ULK4: variants seen among roughly 807,000 people sequenced by gnomAD.
ULK4 encodes inactive serine/threonine-protein kinase ULK4.
In ULK4, 133 loss-of-function variants were observed where a neutral mutation model predicts 160.6. The observed-to-expected ratio is 0.83, with a 90% confidence interval of 0.72 to 0.96. ULK4 has a LOEUF of 0.96. Ranked by LOEUF, ULK4 falls within the 40% of genes least tolerant of loss-of-function variation. ULK4 has a pLI of 0.00. For missense variants in ULK4, 1,580 were observed against 1,499.5 expected (o/e 1.05, Z -0.89); for synonymous variants, 534 against 539.8 (o/e 0.99, Z 0.15).
At chr3:41,677,266 T>C (rs980896974) in intron 29 of ULK4, among the ~76,000 whole-genome samples, 2 of 151,706 alleles carry the variant, frequency 1.3e-5, no homozygotes, top group Non-Finnish European at 2.9e-5. Flanking sequence ...TCAAATACTA[T>C]CTCTTTATAA....
At chr3:41,377,711 A>G (rs1401445582) in intron 35 of ULK4, among the ~76,000 whole-genome samples, 17 of 147,942 alleles carry the variant, frequency 1.1e-4, no homozygotes, top group Non-Finnish European at 2.1e-4. Flanking sequence ...GATCATTAAA[A>G]AGTCAGGAAA....
chr3:41,864,912 C>T (rs1615543), intron 17 of ULK4, among the ~76,000 whole-genome samples: 47,278 of 151,760 alleles, frequency 0.31, 10,753 homozygotes, highest in African/African-American at 0.65. Flanking sequence ...CCAGATTCCC[C>T]CCAGGATTAA....
intron 30 of ULK4, among the ~76,000 whole-genome samples, chr3:41,645,301 A>G (rs1000649501): frequency 4.6e-5 from 7 of 150,904 alleles, no homozygotes; most frequent in Non-Finnish European, 1.0e-4. Context: ...TCAATATTGG[A>G]TCTTTCCTGC....
chr3:41,511,243 G>A (rs1481631107), intron 32 of ULK4, among the ~76,000 whole-genome samples: 3 of 148,750 alleles, frequency 2.0e-5, no homozygotes, highest in Non-Finnish European at 4.5e-5. Context: ...AGAGAAACAA[G>A]AACAATTCAA....
chr3:41,296,881 G>A (rs2079679432), intron 35 of ULK4, among the ~76,000 whole-genome samples: 1 of 151,562 alleles, frequency 6.6e-6, no homozygotes, highest in Non-Finnish European at 1.5e-5. Flanking sequence ...GAGAGGAAGG[G>A]GAGAGGGATA....
intron 20 of ULK4, among the ~76,000 whole-genome samples, chr3:41,799,777 T>C (rs564011367): frequency 2.6e-5 from 4 of 152,184 alleles, no homozygotes; most frequent in Non-Finnish European, 5.9e-5. Flanking sequence ...GCAGTAGAAT[T>C]ACTTGAACCT....
intron 31 of ULK4, among the ~76,000 whole-genome samples, chr3:41,576,822 G>C (rs1250859254): frequency 6.6e-6 from 1 of 152,106 alleles, no homozygotes; most frequent in Admixed American, 6.5e-5. Flanking sequence ...ATTTGCACTG[G>C]CATGGAAAAC....
In ULK4 at chr3:41,733,891, C is replaced by A. The variant is rs527423790; in HGVS notation, c.2322-16030G>T. ...CTGTGATTACAGGCACCTGCCACCACGCCCAGCTAATTTTTTTGTATTTTT... is the reference window on the plus strand; with the variant it reads ...CTGTGATTACAGGCACCTGCCACCAAGCCCAGCTAATTTTTTTGTATTTTT... On this transcript the variant is annotated intron_variant, in intron 22 of 36. Transcript: ENST00000301831. Among the ~76,000 whole-genome samples, 107 of 152,046 alleles carry A rather than the reference C, an allele frequency of 7.0e-4. 1 individual carries two copies. Among genetic ancestry groups the A allele is most frequent in the Non-Finnish European group, 2.1e-4 (14 of 67,978 alleles).
chr3:41,662,865 C>A (rs1244233478), intron 30 of ULK4, among the ~76,000 whole-genome samples: 1 of 151,976 alleles, frequency 6.6e-6, no homozygotes, highest in Non-Finnish European at 1.5e-5. Context: ...TTGGCATCAT[C>A]ATATTCAGTA....
Position 41,681,631 on chromosome 3 carries a change from A to C in ULK4, c.2855T>G (p.Leu952Trp), listed in dbSNP as rs752281252. 1.9e-6 allele frequency: 3 copies of C among 1,613,870 alleles called. No homozygotes were observed. Among genetic ancestry groups the C allele is most frequent in the East Asian group, 4.5e-5 (2 of 44,866 alleles). ...AGATGTGGTTTCTGAGAGCAACCGC[A>C]AGCTAAAGAGTCTCCACTCCACTTG... ...SQNVEWRLFS[L>W]RLLSETTSLL... Residue 952 changes from leucine (L) to tryptophan (W), a missense_variant, in exon 29 of 37, where the codon TTG (leucine) becomes TGG (tryptophan). Coordinates refer to ENST00000301831, the MANE Select transcript of ULK4 (RefSeq NM_017886.4).
rs999284896 is a variant in ULK4 at position 41,261,818 on chromosome 3, C to T, written c.3679-12244G>A. On this transcript the variant is annotated intron_variant, in intron 35 of 36. Coordinates refer to ENST00000301831, the MANE Select transcript of ULK4 (RefSeq NM_017886.4). ...GATATGGAGAGCACCATACTTTTGG[C>T]AACTTCTTTCAGGCTTGGCTACCAA... 1.3e-5 allele frequency among the ~76,000 whole-genome samples: 2 copies of T among 152,162 alleles called. 1 individual carries two copies. Among genetic ancestry groups the T allele is most frequent in the Non-Finnish European group, 2.9e-5 (2 of 68,032 alleles).
At chr3:41,380,324 T>C (rs2081619401) in intron 35 of ULK4, among the ~76,000 whole-genome samples, 1 of 152,142 alleles carries the variant, frequency 6.6e-6, no homozygotes, top group Admixed American at 6.5e-5. Context: ...AGGTTACATA[T>C]GAAGAATGTT....
chr3:41,908,167 T>C (rs1171318414), intron 11 of ULK4, among the ~76,000 whole-genome samples: 1 of 152,206 alleles, frequency 6.6e-6, no homozygotes, highest in Admixed American at 6.6e-5. Context: ...TTTTCCTTTT[T>C]AACTAGAAAC....
At chr3:41,502,129 G>A (rs1351100195) in intron 32 of ULK4, among the ~76,000 whole-genome samples, 6 of 152,110 alleles carry the variant, frequency 3.9e-5, no homozygotes, top group Non-Finnish European at 8.8e-5. Context: ...CTATATCCTA[G>A]CTACTGTGAA....
intron 35 of ULK4, among the ~76,000 whole-genome samples, chr3:41,354,739 C>T (rs2080994679): frequency 6.6e-6 from 1 of 152,162 alleles, no homozygotes; most frequent in African/African-American, 2.4e-5. Context: ...TAGTTTCAAG[C>T]AAGCCCACTA....
intron 35 of ULK4, among the ~76,000 whole-genome samples, chr3:41,390,571 T>A (rs1466769464): frequency 6.6e-6 from 1 of 152,234 alleles, no homozygotes; most frequent in African/African-American, 2.4e-5. Context: ...GTTGTGTCTT[T>A]GTTCTCGTTG....
chr3:41,295,143 A>C (rs922692100), intron 35 of ULK4, among the ~76,000 whole-genome samples: 12 of 152,230 alleles, frequency 7.9e-5, no homozygotes, highest in African/African-American at 2.9e-4. Context: ...AAACAGACCC[A>C]CATAAATACA....
At position 41,741,769 on chromosome 3, in the gene ULK4, G is replaced by A. The variant is rs2038246204; in HGVS notation, c.2321+12592C>T. 2.6e-5 allele frequency among the ~76,000 whole-genome samples: 4 copies of A among 151,850 alleles called. No individual in the cohort carries two copies. The South Asian group carries it at 8.3e-4, about 31-fold the overall frequency. The stretch of plus-strand genomic sequence containing the variant: ...TCCCACCAACTCTATAAGTGACTTT[G>A]GATTTCTAGTTCTGCCAAGATGGAG... On this transcript the variant is annotated intron_variant, in intron 22 of 36. Coordinates refer to ENST00000301831, the MANE Select transcript of ULK4 (RefSeq NM_017886.4).
At chr3:41,645,705 G>C (rs1052835927) in intron 30 of ULK4, among the ~76,000 whole-genome samples, 20 of 152,068 alleles carry the variant, frequency 1.3e-4, no homozygotes, top group African/African-American at 4.6e-4. Flanking sequence ...ATGTCTATTA[G>C]GTCTGCTTGG....
Sources: gnomAD v4.1 joint callset for allele counts (sites outside exome capture counted in the v4.1 genomes callset) on GRCh38, gnomAD v4.1.1 for gene constraint, MANE v1.5 for transcripts, NCBI Gene and HGNC (gene_info 2026-07-23, HGNC 2026-07-21) for gene names.